SASH1: variants seen among roughly 807,000 people sequenced by gnomAD.
SASH1 encodes SAM and SH3 domain containing 1, also known as SAM and SH3 domain-containing protein 1.
SASH1 carries 44 observed loss-of-function variants against 125.2 expected under a neutral mutation model. The ratio of observed to expected loss-of-function variants is 0.35; its 90% CI spans 0.28 to 0.45. The LOEUF (loss-of-function observed/expected upper bound fraction) is 0.45. SASH1 is among the 20% of genes least tolerant of loss of function. SASH1 has a pLI of 1.00. For synonymous variants in SASH1, 639 were observed against 649.1 expected, an observed-to-expected ratio of 0.98 and a Z score of 0.24; for missense variants, 1,426 against 1,614.5, an observed-to-expected ratio of 0.88 and a Z score of 2.00.
intron 15 of SASH1, among the ~76,000 whole-genome samples, chr6:148,534,198 C>T (rs569965016): frequency 3.9e-5 from 6 of 152,312 alleles, no homozygotes; most frequent in South Asian, 2.1e-4. Context: ...TGGGTGATAG[C>T]GTAAGCCCCG....
At chr6:148,326,946 A>G (rs1013207893) in intron 1 of SASH1, among the ~76,000 whole-genome samples, 2 of 152,064 alleles carry the variant, frequency 1.3e-5, no homozygotes, top group African/African-American at 4.8e-5. Context: ...ACAATCTTTA[A>G]CATCTCCAGA....
At chr6:148,209,568 T>A in the SASH1 span, among the ~76,000 whole-genome samples, 1 of 152,184 alleles carries the variant, frequency 6.6e-6, no homozygotes, top group African/African-American at 2.4e-5. Context: ...TGTGAGCAAT[T>A]TACACATCTT....
chr6:148,527,311 A>G (rs1029014018), intron 11 of SASH1, 142 bp from the exon 12 acceptor site: 1 of 654,802 alleles, frequency 1.5e-6, no homozygotes, highest in Non-Finnish European at 2.4e-6. Context: ...GATAAATAAT[A>G]GCACTGAGTT....
chr6:148,430,053 G>C (rs941557222), intron 2 of SASH1, among the ~76,000 whole-genome samples: 2 of 152,202 alleles, frequency 1.3e-5, no homozygotes, highest in Non-Finnish European at 2.9e-5. Context: ...CCCATACTCA[G>C]GGATATCATT....
chr6:148,443,627 T>C (rs1776651504), intron 4 of SASH1, among the ~76,000 whole-genome samples: 1 of 151,874 alleles, frequency 6.6e-6, no homozygotes, highest in African/African-American at 2.4e-5. Flanking sequence ...TCAGTGTTAC[T>C]GTGATGGTTG....
At chr6:148,468,748 A>G in intron 5 of SASH1, 163 bp downstream of exon 5, 1 of 542,092 alleles carries the variant, frequency 1.8e-6, no homozygotes. Flanking sequence ...GGCAGTTTTA[A>G]AAAAATATAA....
chr6:148,418,561 C>G (rs147865888), intron 2 of SASH1, among the ~76,000 whole-genome samples: 4 of 152,198 alleles, frequency 2.6e-5, no homozygotes, highest in African/African-American at 9.7e-5. Context: ...AGGCACTGGG[C>G]TTTATGTGTG....
the SASH1 span, among the ~76,000 whole-genome samples, chr6:148,263,595 G>T: frequency 6.6e-6 from 1 of 152,264 alleles, no homozygotes; most frequent in East Asian, 1.9e-4. Context: ...TGACTCTAGC[G>T]GTGCCCAGAA....
the SASH1 span, among the ~76,000 whole-genome samples, chr6:148,262,101 TACAC>T: frequency 1.3e-4 from 19 of 149,744 alleles, no homozygotes; most frequent in African/African-American, 4.4e-4. Flanking sequence ...ACTGCACACA[TACAC>T]ACACACACAC....
the SASH1 span, among the ~76,000 whole-genome samples, chr6:148,236,822 TC>T: frequency 6.6e-6 from 1 of 152,136 alleles, no homozygotes; most frequent in African/African-American, 2.4e-5. Context: ...GGAAATGCAA[TC>T]CCTGATGCCA....
chr6:148,401,776 ATG>A, intron 2 of SASH1, among the ~76,000 whole-genome samples: 1 of 149,214 alleles, frequency 6.7e-6, no homozygotes, highest in Non-Finnish European at 1.5e-5. Context: ...GAACATCTGG[ATG>A]TGTGTGTGGG....
intron 1 of SASH1, among the ~76,000 whole-genome samples, chr6:148,335,771 T>C (rs1024410911): frequency 2.1e-4 from 32 of 152,160 alleles, no homozygotes; most frequent in African/African-American, 7.7e-4. Context: ...ACCTTTACTA[T>C]GAAAACTGAA....
chr6:148,319,334 C>A (rs1045271504), intron 1 of SASH1, among the ~76,000 whole-genome samples: 4 of 151,548 alleles, frequency 2.6e-5, no homozygotes, highest in Admixed American at 6.6e-5. Flanking sequence ...CGCGCCCAGC[C>A]CCATTTATCT....
At chr6:148,513,362 T>G (rs1780261544) in intron 8 of SASH1, 1 of 985,322 alleles carries the variant, frequency 1.0e-6, no homozygotes, top group Non-Finnish European at 1.2e-6. Flanking sequence ...AGGCGGCTGC[T>G]CCCAGGCATG....
chr6:148,393,124 G>A (rs1264783350), intron 2 of SASH1, among the ~76,000 whole-genome samples: 1 of 139,622 alleles, frequency 7.2e-6, no homozygotes, highest in Non-Finnish European at 1.5e-5. Context: ...TCAGCTCACC[G>A]CAACCTCCAC....
the SASH1 span, chr6:148,237,664 T>C: frequency 6.6e-6 from 1 of 152,152 alleles, no homozygotes; most frequent in Non-Finnish European, 1.5e-5. Context: ...GTTGTACATC[T>C]CCCTCATGGA....
At chr6:148,382,966 CAA>C (rs1210854508) in intron 1 of SASH1, among the ~76,000 whole-genome samples, 1 of 152,216 alleles carries the variant, frequency 6.6e-6, no homozygotes, top group African/African-American at 2.4e-5. Flanking sequence ...TTTCCTGAGA[CAA>C]AGTATACTTC....
At chr6:148,334,130 G>A (rs1208097586) in intron 1 of SASH1, among the ~76,000 whole-genome samples, 3 of 84,704 alleles carry the variant, frequency 3.5e-5, no homozygotes, top group Non-Finnish European at 6.9e-5. Context: ...AATATTTTAA[G>A]AGATAATAGC....
At chr6:148,353,315 A>T (rs1029082992) in intron 1 of SASH1, among the ~76,000 whole-genome samples, 4 of 152,054 alleles carry the variant, frequency 2.6e-5, no homozygotes, top group African/African-American at 9.7e-5. Context: ...GGCCTCAAGC[A>T]GTCCTCCCAA....
Sources: gnomAD v4.1 joint callset for allele counts (sites outside exome capture counted in the v4.1 genomes callset) on GRCh38, gnomAD v4.1.1 for gene constraint, MANE v1.5 for transcripts, NCBI Gene and HGNC (gene_info 2026-07-23, HGNC 2026-07-21) for gene names.